CAMTA1: variants seen among roughly 807,000 people sequenced by gnomAD.
CAMTA1 encodes calmodulin binding transcription activator 1.
CAMTA1 carries 27 observed loss-of-function variants against 170.9 expected under a neutral mutation model. The observed-to-expected ratio is 0.16, with a 90% confidence interval of 0.12 to 0.22. CAMTA1 has a LOEUF of 0.22. CAMTA1 is among the 10% of genes least tolerant of loss of function. The pLI, the probability that CAMTA1 is intolerant of heterozygous loss-of-function variation, is 1.00. For synonymous variants in CAMTA1, 833 were observed against 891.5 expected (o/e 0.93, Z 1.17); for missense variants, 1,619 against 2,217.2 (o/e 0.73, Z 5.42).
At chr1:7,717,537 G>A (rs1379545488) in intron 11 of CAMTA1, among the ~76,000 whole-genome samples, 1 of 152,030 alleles carries the variant, frequency 6.6e-6, no homozygotes, top group Non-Finnish European at 1.5e-5. Context: ...CTTGAGCCCA[G>A]GAGTTTGAGA....
chr1:7,147,158 C>T (rs1646248451), intron 4 of CAMTA1, among the ~76,000 whole-genome samples: 1 of 151,888 alleles, frequency 6.6e-6, no homozygotes, highest in South Asian at 2.1e-4. Flanking sequence ...TGATGGCTCA[C>T]GCCTGTAATT....
At chr1:7,276,577 G>T (rs1017848676) in intron 5 of CAMTA1, among the ~76,000 whole-genome samples, 11 of 151,770 alleles carry the variant, frequency 7.2e-5, no homozygotes, top group Non-Finnish European at 1.2e-4. Context: ...CCAAAGTGCT[G>T]GGATTACAGG....
chr1:7,399,159 G>A (rs2089684398), intron 5 of CAMTA1, among the ~76,000 whole-genome samples: 1 of 152,160 alleles, frequency 6.6e-6, no homozygotes, highest in Non-Finnish European at 1.5e-5. Flanking sequence ...TTCATGAAAG[G>A]TTTGGTTCTG....
intron 3 of CAMTA1, among the ~76,000 whole-genome samples, chr1:6,900,569 A>G (rs1676713483): frequency 1.3e-5 from 2 of 152,222 alleles, no homozygotes. Flanking sequence ...AAAAAACCCA[A>G]GCACCTATGA....
At chr1:6,966,628 G>GTTTT (rs1691601822) in intron 3 of CAMTA1, among the ~76,000 whole-genome samples, 2 of 8,722 alleles carry the variant, frequency 2.3e-4, no homozygotes, top group African/African-American at 4.4e-4. Flanking sequence ...TTTTTTTTTA[G>GTTTT]AGACAGAGTC....
At chr1:7,659,186 C>T (rs778128275) in intron 7 of CAMTA1, among the ~76,000 whole-genome samples, 1 of 152,216 alleles carries the variant, frequency 6.6e-6, no homozygotes, top group African/African-American at 2.4e-5. Context: ...GAAAGCAGCA[C>T]CCTGAAGGTA....
In CAMTA1 at chr1:6,965,552, G is replaced by A. The variant is rs2149549057; in HGVS notation, c.235-125752G>A. Among the ~76,000 whole-genome samples the A allele has an allele frequency of 6.6e-6, 1 of 152,270 alleles. No individual in the cohort carries two copies. The highest frequency in any genetic ancestry group is 2.4e-5 in the African/African-American group (1 of 41,558). On this transcript the variant is annotated intron_variant, in intron 3 of 22. Transcript: ENST00000303635. The surrounding 1 kb of genome is among the most constrained non-coding windows in gnomAD (Gnocchi z 4.1). ...GAAGCAAGGCGGCTCTAGATGGAGG[G>A]AGGGGACAGGTTGGTGATTGTGTGC...
At chr1:7,263,069 G>A (rs993693556) in intron 5 of CAMTA1, among the ~76,000 whole-genome samples, 9 of 152,028 alleles carry the variant, frequency 5.9e-5, no homozygotes, top group African/African-American at 2.2e-4. Context: ...AACGAGATGC[G>A]ACACGGTATT....
At position 7,257,568 on chromosome 1, in the gene CAMTA1, G is replaced by A. The variant is rs1332814116; in HGVS notation, c.438+7942G>A. 5.7e-5 allele frequency among the ~76,000 whole-genome samples: 4 copies of A among 69,614 alleles called. No homozygotes were observed. In the South Asian group the frequency reaches 1.6e-3, roughly 28 times the overall value. 45.7% of individuals were successfully genotyped at this position (69,614 alleles called of 152,430 possible). A position where few individuals can be genotyped will look rare whatever the true frequency, so the allele number is the denominator to read the frequency against. On this transcript the variant is annotated intron_variant, in intron 5 of 22. Transcript: ENST00000303635. ...CGAGCTTCCACGGCACACCCACTCT[G>A]GCAGCGAGGGTCTGTGCGTACTCTT...
At chr1:7,706,886 CTT>C (rs139511207) in intron 11 of CAMTA1, among the ~76,000 whole-genome samples, 3,197 of 132,114 alleles carry the variant, frequency 0.024, 82 homozygotes, top group African/African-American at 0.084. Context: ...TCAGGCTATT[CTT>C]TTTTTTTTTT....
chr1:7,332,859 C>A (rs546910864), intron 5 of CAMTA1, among the ~76,000 whole-genome samples: 1 of 152,262 alleles, frequency 6.6e-6, no homozygotes, highest in South Asian at 2.1e-4. Context: ...CATTACTAGG[C>A]TTGCAACCCC....
At chr1:7,082,790 T>C (rs1640205917) in intron 3 of CAMTA1, among the ~76,000 whole-genome samples, 1 of 152,190 alleles carries the variant, frequency 6.6e-6, no homozygotes, top group Admixed American at 6.5e-5. Context: ...CCAGTTGAAA[T>C]GTTAGCTCCT....
intron 11 of CAMTA1, among the ~76,000 whole-genome samples, chr1:7,730,856 G>C (rs1361258586): frequency 6.6e-6 from 1 of 151,976 alleles, no homozygotes; most frequent in Non-Finnish European, 1.5e-5. Flanking sequence ...CCAAGATCAT[G>C]CCATTGCACT....
intron 5 of CAMTA1, among the ~76,000 whole-genome samples, chr1:7,301,749 G>C (rs1242040836): frequency 6.6e-6 from 1 of 152,214 alleles, no homozygotes; most frequent in Non-Finnish European, 1.5e-5. Context: ...CTGCTGCAGA[G>C]ATGCTTTTCT....
chr1:6,997,945 C>T (rs1053099075), intron 3 of CAMTA1, among the ~76,000 whole-genome samples: 16 of 152,000 alleles, frequency 1.1e-4, no homozygotes, highest in African/African-American at 3.4e-4. Context: ...AGGTGTGAGC[C>T]ACCGTGCCCA....
intron 1 of CAMTA1, among the ~76,000 whole-genome samples, chr1:6,792,304 A>G (rs1425233013): frequency 6.7e-6 from 1 of 150,004 alleles, no homozygotes; most frequent in Non-Finnish European, 1.5e-5. Flanking sequence ...AGTTCACGTG[A>G]TGGGACAAAG....
intron 3 of CAMTA1, among the ~76,000 whole-genome samples, chr1:7,039,950 ATT>A (rs558348373): frequency 7.0e-6 from 1 of 143,830 alleles, no homozygotes. Context: ...GTGGCAAAAC[ATT>A]TTTTTTTTTT....
At chr1:7,409,251 G>T (rs931437677) in intron 5 of CAMTA1, among the ~76,000 whole-genome samples, 4 of 152,218 alleles carry the variant, frequency 2.6e-5, no homozygotes, top group Middle Eastern at 3.2e-3. Flanking sequence ...CCAAGAGGGG[G>T]ATGGTGGGAA....
At chr1:7,765,819 G>A (rs1001287301) in intron 22 of CAMTA1, among the ~76,000 whole-genome samples, 8 of 152,146 alleles carry the variant, frequency 5.3e-5, no homozygotes, top group African/African-American at 1.9e-4. Context: ...GAGGTCAGGA[G>A]ATCGAAACCA....
Sources: gnomAD v4.1 joint callset for allele counts (sites outside exome capture counted in the v4.1 genomes callset) on GRCh38, gnomAD v4.1.1 for gene constraint, Gnocchi (gnomAD v3.1) non-coding constraint, MANE v1.5 for transcripts, NCBI Gene and HGNC (gene_info 2026-07-23, HGNC 2026-07-21) for gene names.